SYNE1: variants seen among roughly 807,000 people sequenced by gnomAD.
SYNE1 encodes the protein spectrin repeat containing nuclear envelope protein 1.
SYNE1 carries 616 observed loss-of-function variants against 1,111.0 expected under a neutral mutation model. The ratio of observed to expected loss-of-function variants is 0.55; its 90% confidence interval spans 0.52 to 0.59. The LOEUF is 0.59. Ranked by LOEUF, SYNE1 falls within the 20% of genes least tolerant of loss-of-function variation. The probability of loss-of-function intolerance (pLI) is 0.00; values close to 1 mark genes in which losing one functional copy is unlikely to be tolerated. For synonymous variants in SYNE1, 3,855 were observed against 3,825.8 expected (o/e 1.01, Z -0.28); for missense variants, 10,006 against 10,417.0 (o/e 0.96, Z 1.72).
At chr6:152,635,805 T>C (rs1308317202) in intron 2 of SYNE1, among the ~76,000 whole-genome samples, 5 of 152,200 alleles carry the variant, frequency 3.3e-5, no homozygotes, top group Admixed American at 1.3e-4. Flanking sequence ...ATGAACATTG[T>C]GGGATGCTAA....
At chr6:152,525,976 C>T in intron 5 of SYNE1, 104 bp downstream of exon 5, 1 of 1,042,732 alleles carries the variant, frequency 9.6e-7, no homozygotes, top group Non-Finnish European at 1.5e-6. Context: ...CGACAAATAA[C>T]TTTCTTTTAC....
At position 152,409,514 on chromosome 6, in the gene SYNE1, A is replaced by T. The variant is rs143327810; in HGVS notation, c.6381+45T>A. On this transcript the variant is annotated intron_variant, in intron 43 of 145. Transcript: ENST00000367255. ...TAACTGCTTTATGAGTAAAAACCAGATCTACTAAAGCAGAATACCAACATA... is the reference window on the plus strand; with the variant it reads ...TAACTGCTTTATGAGTAAAAACCAGTTCTACTAAAGCAGAATACCAACATA... The T allele has an allele frequency of 1.3e-5, 21 of 1,607,992 alleles. No homozygotes were observed. In the East Asian group the frequency reaches 3.8e-4, roughly 29 times the overall value.
At chr6:152,608,624 C>A (rs2099622662) in intron 3 of SYNE1, among the ~76,000 whole-genome samples, 1 of 152,162 alleles carries the variant, frequency 6.6e-6, no homozygotes. Flanking sequence ...TTAGGAACCT[C>A]AGTTACTTGT....
chr6:152,273,505 AG>A (rs1189633120), intron 98 of SYNE1, among the ~76,000 whole-genome samples: 2 of 152,208 alleles, frequency 1.3e-5, no homozygotes, highest in African/African-American at 4.8e-5. Flanking sequence ...CTGATCCGTA[AG>A]AAAGTTGTGG....
At chr6:152,503,242 C>A (rs2099039819) in intron 9 of SYNE1, among the ~76,000 whole-genome samples, 1 of 152,172 alleles carries the variant, frequency 6.6e-6, no homozygotes, top group African/African-American at 2.4e-5. Flanking sequence ...TCTGCCCCCA[C>A]AAATTTCACT....
chr6:152,300,560 C>T (rs1354361794), intron 93 of SYNE1, 81 bp downstream of exon 93: 2 of 1,596,094 alleles, frequency 1.3e-6, no homozygotes, highest in Non-Finnish European at 1.7e-6. Flanking sequence ...GAGATTCATA[C>T]CCACGATCTA....
rs367713376 is a variant in SYNE1, at chr6:152,302,122, G to A, written c.17347-59C>T. On this transcript the variant is annotated intron_variant, in intron 91 of 145. Coordinates refer to ENST00000367255, the MANE Select transcript of SYNE1 (RefSeq NM_182961.4). ...GCAGCATCAAAAGGAAACAGAAGTA[G>A]TAGCGTTCATCTTCCTGCAGGGCGA... 3.9e-5 allele frequency: 62 copies of A among 1,608,162 alleles called. No homozygotes were observed. In the African/African-American group the frequency reaches 6.5e-4, roughly 17 times the overall value.
chr6:152,364,869 A>G lies in SYNE1; in HGVS notation c.10123T>C (p.Ser3375Pro). 1 of 1,614,214 alleles carries G rather than the reference A, an allele frequency of 6.2e-7. No individual in the cohort carries two copies. The highest frequency in any genetic ancestry group is 1.1e-5 in the South Asian group (1 of 91,084). The change falls in exon 63 of 146, where the codon TCT becomes CCT. Residue 3375 changes from serine (S) to proline (P), a missense_variant. Around this residue, in one of 7 missense-constraint regions of SYNE1, gnomAD observed 4,955 missense variants for 5,017.2 expected, o/e 0.99. Coordinates refer to ENST00000367255, the MANE Select transcript of SYNE1 (RefSeq NM_182961.4). ...CACCTTTTACAACGAATCCCTGCAG[A>G]CAAAAGGGATGCCCACATATCCTTC... Reference protein sequence around the residue: ...SVKDMWASLLSAGIRCKSQLE... With the variant: ...SVKDMWASLLPAGIRCKSQLE...
chr6:152,156,850 T>C lies in SYNE1; in HGVS notation c.23791-753A>G, dbSNP rs1038208955. 7.2e-5 allele frequency among the ~76,000 whole-genome samples: 11 copies of C among 152,052 alleles called. No individual in the cohort carries two copies. The East Asian group carries it at 1.9e-3, about 27-fold the overall frequency. ...AAGATTTACTTTTTTTTTTTTGGGATGGAGTCTCACTCTGTCACCCAGGCT... is the reference window on the plus strand; with the variant it reads ...AAGATTTACTTTTTTTTTTTTGGGACGGAGTCTCACTCTGTCACCCAGGCT... On this transcript the variant is annotated intron_variant, in intron 131 of 145. Transcript: ENST00000367255.
chr6:152,510,440 C>T, intron 7 of SYNE1, 69 bp from the exon 8 acceptor site: 2 of 1,544,822 alleles, frequency 1.3e-6, no homozygotes, highest in Non-Finnish European at 1.8e-6. Context: ...AGATGTTTTA[C>T]TTTTCCAGCA....
rs1644189320 is a variant in SYNE1 at position 152,385,679 on chromosome 6, T to C, written c.8647A>G (p.Ile2883Val). Reference sequence around the variant, plus strand: ...GCATCTGTTCATTTCCTGACCTTAATTTTTGATAACTTTTTCTGGGTGGCT... The same window carrying C: ...GCATCTGTTCATTTCCTGACCTTAACTTTTGATAACTTTTTCTGGGTGGCT... ...SSATQKKLSK[I>V]KELIDSREIG... Residue 2883 changes from isoleucine (I) to valine (V), a missense_variant, in exon 55 of 146, where the codon ATT becomes GTT. Ile to Val is a conservative substitution (Grantham distance 29). This residue lies in a region of SYNE1 where 4,955 missense variants were observed against 5,017.2 expected (regional missense o/e 0.99). Transcript: ENST00000367255. 6.2e-7 allele frequency: 1 copy of C among 1,614,114 alleles called. No homozygotes were observed.
At chr6:152,277,050 C>T (rs1351235615) in intron 98 of SYNE1, among the ~76,000 whole-genome samples, 1 of 151,188 alleles carries the variant, frequency 6.6e-6, no homozygotes, top group East Asian at 2.0e-4. Flanking sequence ...ACCACTATGC[C>T]CGGCTAATTT....
At position 152,293,690 on chromosome 6, in the gene SYNE1, G is replaced by A; in HGVS notation, c.17910C>T (p.Asp5970=). 1.2e-6 allele frequency: 2 copies of A among 1,614,140 alleles called. No homozygotes were observed. The highest frequency in any genetic ancestry group is 1.7e-6 in the Non-Finnish European group (2 of 1,180,010). The part of the protein sequence containing the change: ...EALERQQKYQ[D]SLQSISTKME... ...TCTTCGTAGAGATGGACTGGAGGGA[G>A]TCCTGGTACTTCTGCTGGCGTTCCA... Residue 5970 remains aspartate (D), a synonymous_variant, in exon 95 of 146, where the codon GAC becomes GAT. Transcript: ENST00000367255.
chr6:152,285,139 CG>C (rs2094257597), intron 95 of SYNE1, among the ~76,000 whole-genome samples: 1 of 152,110 alleles, frequency 6.6e-6, no homozygotes, highest in Admixed American at 6.5e-5. Context: ...CCTGCTTCCC[CG>C]CCTGTCTTCC....
At chr6:152,270,459 G>A (rs867924517) in intron 98 of SYNE1, among the ~76,000 whole-genome samples, 2 of 152,154 alleles carry the variant, frequency 1.3e-5, no homozygotes, top group Non-Finnish European at 2.9e-5. Context: ...TCTGACTAAA[G>A]GAGAAAGACC....
At chr6:152,427,904 A>G (rs2098384959) in intron 37 of SYNE1, 88 bp from the exon 38 acceptor site, 1 of 1,570,604 alleles carries the variant, frequency 6.4e-7, no homozygotes, top group Non-Finnish European at 8.7e-7. Flanking sequence ...GTCCAACACA[A>G]ACCATAGTAA....
intron 82 of SYNE1, among the ~76,000 whole-genome samples, chr6:152,322,335 A>G (rs899885179): frequency 1.2e-4 from 18 of 152,166 alleles, no homozygotes; most frequent in African/African-American, 4.3e-4. Flanking sequence ...ATTTGAATTA[A>G]TGTAAATTTG....
At chr6:152,140,805 G>A (rs112581644) in intron 139 of SYNE1, among the ~76,000 whole-genome samples, 12 of 152,018 alleles carry the variant, frequency 7.9e-5, no homozygotes, top group South Asian at 2.1e-4. Flanking sequence ...AGGCCGAGGC[G>A]GGTGGATCAC....
intron 130 of SYNE1, 142 bp from the exon 131 acceptor site, chr6:152,164,467 C>A (rs2153028716): frequency 1.0e-6 from 1 of 961,054 alleles, no homozygotes; most frequent in South Asian, 1.5e-5. Context: ...AGACAGAAGA[C>A]AAAGGAGGAT....
Sources: allele counts gnomAD v4.1 joint callset (sites outside exome capture counted in the v4.1 genomes callset), GRCh38; gene constraint gnomAD v4.1.1; regional missense constraint gnomAD v4.1.1; transcripts MANE v1.5; gene names NCBI Gene and HGNC (gene_info 2026-07-23, HGNC 2026-07-21).